The following ARID3C variants were observed in gnomAD, a reference collection of about 807,000 sequenced individuals.
ARID3C encodes the protein AT-rich interactive domain-containing protein 3C.
In ARID3C, 42 loss-of-function variants were observed where a neutral mutation model predicts 37.9. The observed-to-expected ratio is 1.11, with a 90% confidence interval of 0.87 to 1.43. The LOEUF is 1.43. ARID3C is among the 40% of genes most tolerant of loss of function. The probability of loss-of-function intolerance (pLI) is 0.00; values close to 1 mark genes in which losing one functional copy is unlikely to be tolerated. For missense variants in ARID3C, 581 were observed against 548.8 expected (o/e 1.06, Z -0.59); for synonymous variants, 213 against 228.0 (o/e 0.93, Z 0.59).
At chr9:34,629,800 T>G (rs978235439), upstream of ARID3C, among the ~76,000 whole-genome samples, 1 of 152,160 alleles carries the variant, frequency 6.6e-6, no homozygotes, top group Non-Finnish European at 1.5e-5. Context: ...TCACCCAGGC[T>G]GGAGTGCAGT....
At chr9:34,625,231 G>C (rs1820638964) in intron 2 of ARID3C, among the ~76,000 whole-genome samples, 1 of 152,092 alleles carries the variant, frequency 6.6e-6, no homozygotes, top group Non-Finnish European at 1.5e-5. Context: ...ATGCCCTCCT[G>C]GACCCTTCTT....
chr9:34,625,757 A>G lies in ARID3C; in HGVS notation c.376T>C (p.Phe126Leu), dbSNP rs766390398. ...TGCCACTCACCCCTCTTTTGCATGA[A>G]GCTAAACAGGTCATCCAGAAATTCC... The change falls in exon 2 of 7, where the codon TTC becomes CTC. Residue 126 changes from phenylalanine to leucine, a missense_variant. By Grantham distance (22) the Phe-to-Leu change is conservative (BLOSUM62 0). Transcript: ENST00000378909. 7.4e-6 allele frequency: 12 copies of G among 1,613,858 alleles called. No homozygotes were observed. Among genetic ancestry groups the G allele is most frequent in the Middle Eastern group, 1.6e-4 (1 of 6,078 alleles).
At chr9:34,626,860 C>T (rs1820659724) in intron 1 of ARID3C, among the ~76,000 whole-genome samples, 1 of 152,112 alleles carries the variant, frequency 6.6e-6, no homozygotes, top group Non-Finnish European at 1.5e-5. Context: ...AGTCACAGAT[C>T]AACACTTTTG....
chr9:34,621,974 A>G, intron 6 of ARID3C, 46 bp downstream of exon 7: 1 of 1,577,388 alleles, frequency 6.3e-7, no homozygotes. Flanking sequence ...GCCAGCCTAA[A>G]TACCCCTGAC....
At chr9:34,623,300 G>C in intron 4 of ARID3C, 125 bp downstream of exon 5, 1 of 1,202,396 alleles carries the variant, frequency 8.3e-7, no homozygotes, top group Non-Finnish European at 1.1e-6. Context: ...AAGCCCGTCA[G>C]ACCTTACTGC....
chr9:34,625,210 C>A (rs577394686), intron 2 of ARID3C, among the ~76,000 whole-genome samples: 1 of 152,120 alleles, frequency 6.6e-6, no homozygotes, highest in Non-Finnish European at 1.5e-5. Context: ...GATGGACTGC[C>A]GCCCACCCTG....
At chr9:34,628,921 C>T (rs939853137), upstream of ARID3C, among the ~76,000 whole-genome samples, 1 of 152,104 alleles carries the variant, frequency 6.6e-6, no homozygotes, top group African/African-American at 2.4e-5. The surrounding 1 kb of genome is among the most constrained non-coding windows in gnomAD (Gnocchi z 5.2). Flanking sequence ...ACTCACCTGC[C>T]TGGCGTGGCC....
rs751374358 is a variant in ARID3C, at chr9:34,623,689, C to CGTACGG, written c.595_600dup (p.Pro199_Tyr200dup). 4.1e-5 allele frequency: 64 copies of CGTACGG among 1,568,358 alleles called. No homozygotes were observed. The Admixed American group carries it at 1.2e-3, about 29-fold the overall frequency. On this transcript the variant is annotated inframe_insertion, in exon 4 of 7. Coordinates refer to ENST00000378909, the Ensembl canonical transcript of ARID3C. ...GAGCTGAGCGCTCGAGTCTCGCACT[C>CGTACGG]GTACGGGTACAGGTACTTCATGTAC...
intron 6 of ARID3C, 105 bp downstream of exon 7, chr9:34,621,915 T>G: frequency 1.7e-6 from 2 of 1,167,696 alleles, no homozygotes; most frequent in Non-Finnish European, 2.5e-6. Context: ...TCATGCAAGT[T>G]TAGATATCCC....
At chr9:34,628,500 TAGAC>T (rs1251292018), upstream of ARID3C, among the ~76,000 whole-genome samples, 3 of 149,018 alleles carry the variant, frequency 2.0e-5, no homozygotes, top group African/African-American at 2.5e-5. The surrounding 1 kb of genome is among the most constrained non-coding windows in gnomAD (Gnocchi z 5.2). Flanking sequence ...AGAGACAGGG[TAGAC>T]AGACAGAGAT....
rs1820683828 is a variant in ARID3C, at chr9:34,628,068, AC to A, written c.-55del. 1 of 1,438,196 alleles carries A rather than the reference AC, an allele frequency of 7.0e-7. No homozygotes were observed. The highest frequency in any genetic ancestry group is 1.5e-5 in the South Asian group (1 of 67,216). The allele number at this position is 1,438,196 out of a possible 1,614,324, so 89.1% of individuals were successfully genotyped here. On this transcript the variant is annotated 5_prime_UTR_variant, in exon 1 of 7. Coordinates refer to ENST00000378909, the Ensembl canonical transcript of ARID3C. This position sits in a 1 kb window ranked among gnomAD's most constrained non-coding sequence, Gnocchi z 5.2. ...GAGGGGGTCCCTGGTACCAGGCGGG[AC>A]CCCGAGGAAAGGGCCGCCTGTGGGG... is the stretch of plus-strand genomic sequence containing the variant.
chr9:34,622,292 C>G (rs1820581030), intron 5 of ARID3C, 55 bp downstream of exon 6: 1 of 1,571,430 alleles, frequency 6.4e-7, no homozygotes, highest in South Asian at 1.2e-5. Flanking sequence ...GGTGATGGGT[C>G]AATCCTCCCT....
intron 1 of ARID3C, 69 bp from the exon 3 acceptor site, chr9:34,625,883 T>C: frequency 6.4e-7 from 1 of 1,555,006 alleles, no homozygotes; most frequent in Non-Finnish European, 8.8e-7. Flanking sequence ...CCAATTCAGG[T>C]TGTACCCTGA....
chr9:34,623,259 C>T lies in ARID3C; in HGVS notation c.865+166G>A, dbSNP rs756307539. 1.1e-3 allele frequency among the ~76,000 whole-genome samples: 168 copies of T among 152,044 alleles called. 1 individual carries two copies. The highest frequency in any genetic ancestry group is 7.2e-4 in the Admixed American group (11 of 15,278). ...TCTCATTTGGCCGCAAACCTCAGGA[C>T]CCCTAAACCTTAGTGACCCCCAAAC... On this transcript the variant is annotated intron_variant, in intron 4 of 6. Coordinates refer to ENST00000378909, the Ensembl canonical transcript of ARID3C.
intron 2 of ARID3C, among the ~76,000 whole-genome samples, chr9:34,624,747 C>T (rs1820631995): frequency 6.6e-6 from 1 of 152,222 alleles, no homozygotes; most frequent in Non-Finnish European, 1.5e-5. Context: ...CCTTTGGACC[C>T]GAACAATTAG....
At chr9:34,623,033 C>A (rs1002051103) in intron 4 of ARID3C, among the ~76,000 whole-genome samples, 17 of 151,394 alleles carry the variant, frequency 1.1e-4, no homozygotes, top group African/African-American at 4.1e-4. Context: ...GTAGTCCCAG[C>A]TACTCGGGAG....
chr9:34,629,595 G>C (rs552940845), upstream of ARID3C, among the ~76,000 whole-genome samples: 1 of 152,284 alleles, frequency 6.6e-6, no homozygotes, highest in South Asian at 2.1e-4. Flanking sequence ...TTGCACACAT[G>C]AGTGCACATG....
chr9:34,631,630 C>T (rs577269883), upstream of ARID3C, among the ~76,000 whole-genome samples: 1 of 150,122 alleles, frequency 6.7e-6, no homozygotes, highest in African/African-American at 2.5e-5. Context: ...TGGTAAGTAC[C>T]ATGGAGAAAA....
At chr9:34,630,760 G>A (rs1437094678), upstream of ARID3C, among the ~76,000 whole-genome samples, 2 of 152,120 alleles carry the variant, frequency 1.3e-5, no homozygotes, top group Admixed American at 6.5e-5. Flanking sequence ...GGTTCTCTAT[G>A]GCCCATTCCT....
Sources: allele counts gnomAD v4.1 joint callset (sites outside exome capture counted in the v4.1 genomes callset), GRCh38; gene constraint gnomAD v4.1.1; non-coding constraint Gnocchi (gnomAD v3.1); transcripts MANE v1.5; gene names NCBI Gene and HGNC (gene_info 2026-07-23, HGNC 2026-07-21).